GET1: variants seen among roughly 807,000 people sequenced by gnomAD.
GET1 encodes guided entry of tail-anchored proteins factor 1.
A neutral mutation model predicts 22.6 loss-of-function variants in GET1; 20 were observed. That is an observed-to-expected ratio of 0.89 (90% confidence interval 0.62 to 1.29). GET1 has a LOEUF of 1.29. Among genes scored for constraint, GET1 ranks in the 50% most tolerant of loss-of-function variants. GET1 has a pLI of 0.00. For synonymous variants in GET1, 92 were observed against 83.8 expected, an observed-to-expected ratio of 1.10 and a Z score of -0.53; for missense variants, 209 against 219.9, an observed-to-expected ratio of 0.95 and a Z score of 0.31.
chr21:39,387,868 G>A (rs988648110), intron 1 of GET1: 80 of 980,938 alleles, frequency 8.2e-5, no homozygotes, highest in Non-Finnish European at 9.2e-5. Flanking sequence ...AAGCTGGAAG[G>A]GGGAGGGGGG....
At chr21:39,424,360 A>G (rs2074275903) in intron 1 of GET1, among the ~76,000 whole-genome samples, 1 of 152,146 alleles carries the variant, frequency 6.6e-6, no homozygotes, top group East Asian at 1.9e-4. Context: ...ACATGCCTAT[A>G]GTCCTAGCTC....
chr21:39,388,434 A>G (rs2038071467), intron 1 of GET1, among the ~76,000 whole-genome samples: 1 of 152,216 alleles, frequency 6.6e-6, no homozygotes, highest in Non-Finnish European at 1.5e-5. Context: ...GGAATCATGC[A>G]TTGCATTTCC....
intron 1 of GET1, chr21:39,411,810 G>T (rs1239359575): frequency 1.3e-6 from 2 of 1,551,770 alleles, no homozygotes; most frequent in Non-Finnish European, 1.8e-6. Context: ...TTCCTAAAAA[G>T]AACCACAAAA....
chr21:39,397,047 G>A lies in GET1; in HGVS notation c.*108G>A. ...TTAAGAAACAAAAGTGCATAGTTTA[G>A]ATTTTTTTTTTGTTGAATATGTTTG... On this transcript the variant is annotated 3_prime_UTR_variant, in exon 5 of 5. Transcript: ENST00000649170. 1.6e-6 allele frequency: 2 copies of A among 1,223,774 alleles called. No individual in the cohort carries two copies. The highest frequency in any genetic ancestry group is 2.3e-6 in the Non-Finnish European group (2 of 866,606). 75.8% of individuals were successfully genotyped at this position (1,223,774 alleles called of 1,614,324 possible).
At chr21:39,399,767 G>T (rs1178721552), downstream of GET1, among the ~76,000 whole-genome samples, 2 of 151,922 alleles carry the variant, frequency 1.3e-5, no homozygotes, top group Middle Eastern at 3.2e-3. Context: ...AAAAATACTG[G>T]ATATATTTTA....
intron 1 of GET1, chr21:39,420,922 A>G (rs539878009): frequency 1.8e-6 from 2 of 1,105,092 alleles, no homozygotes; most frequent in South Asian, 2.9e-5. Flanking sequence ...AACTAACTAC[A>G]TTTATGAAAA....
chr21:39,411,745 A>C, intron 1 of GET1: 5 of 1,577,146 alleles, frequency 3.2e-6, no homozygotes, highest in East Asian at 2.2e-5. Context: ...GTGTCATGTA[A>C]ATTTTTAAGT....
At chr21:39,414,951 G>T (rs1412868987) in intron 1 of GET1, among the ~76,000 whole-genome samples, 2 of 152,016 alleles carry the variant, frequency 1.3e-5, no homozygotes, top group Non-Finnish European at 2.9e-5. Flanking sequence ...TCTCTCTGTT[G>T]CCCAGGCTGG....
chr21:39,402,114 GTTTA>G (rs1236708178), downstream of GET1, among the ~76,000 whole-genome samples: 1 of 151,874 alleles, frequency 6.6e-6, no homozygotes, highest in African/African-American at 2.4e-5. Flanking sequence ...TAATTAATTA[GTTTA>G]TTTGAGATGG....
chr21:39,396,058 A>G (rs962712488), intron 4 of GET1, among the ~76,000 whole-genome samples: 1 of 152,220 alleles, frequency 6.6e-6, no homozygotes, highest in Admixed American at 6.5e-5. Flanking sequence ...CGTTCACTGC[A>G]ATTCCTGCTT....
intron 1 of GET1, among the ~76,000 whole-genome samples, chr21:39,412,247 C>T (rs781474218): frequency 1.3e-5 from 2 of 152,122 alleles, no homozygotes. Context: ...TATTGGATGG[C>T]ACAGGTGAAC....
At chr21:39,420,936 C>T (rs976240966) in intron 1 of GET1, 1 of 951,094 alleles carries the variant, frequency 1.1e-6, no homozygotes, top group East Asian at 2.5e-5. Context: ...ATGAAAAGTG[C>T]ACATTTTCAA....
chr21:39,406,328 G>A, exon 5 of GET1: 1 of 1,614,172 alleles, frequency 6.2e-7, no homozygotes, highest in Non-Finnish European at 8.5e-7. Context: ...AATGAGTAAT[G>A]TCTTCTTTGT....
chr21:39,414,742 C>CTCTGTGTGTGTGTGTGTGTGTGTG (rs1341489035), intron 1 of GET1, among the ~76,000 whole-genome samples: 2 of 99,178 alleles, frequency 2.0e-5, no homozygotes, highest in African/African-American at 8.8e-5. Context: ...CTCTCTCTCT[C>CTCTGTGTGTGTGTGTGTGTGTGTG]TGTGTGTGTG....
intron 3 of GET1, 83 bp downstream of exon 3, chr21:39,391,919 A>T: frequency 7.3e-7 from 1 of 1,372,674 alleles, no homozygotes. Flanking sequence ...CAGGGCTGGG[A>T]GTTCGGGCTG....
At chr21:39,411,921 AG>A (rs2040151166) in intron 1 of GET1, 1 of 597,990 alleles carries the variant, frequency 1.7e-6, no homozygotes, top group Non-Finnish European at 3.0e-6. Flanking sequence ...AGATTTTAGA[AG>A]AAACAGAAAT....
At chr21:39,410,055 T>G (rs548135254), downstream of GET1, 12 of 1,611,446 alleles carry the variant, frequency 7.4e-6, no homozygotes, top group East Asian at 1.3e-4. Context: ...TTATTTCAGT[T>G]GATTTTTCTT....
chr21:39,420,637 T>C (rs2042143744), intron 1 of GET1: 4 of 1,339,272 alleles, frequency 3.0e-6, no homozygotes, highest in East Asian at 2.4e-5. Flanking sequence ...AAAGATATAA[T>C]AGACATAAAT....
At chr21:39,391,471 C>T (rs2038292445) in intron 2 of GET1, 7 of 346,324 alleles carry the variant, frequency 2.0e-5, no homozygotes, top group South Asian at 1.8e-4. Context: ...AAATTTAGTC[C>T]TGTTGGTAAG....
Sources: allele counts gnomAD v4.1 joint callset (sites outside exome capture counted in the v4.1 genomes callset), GRCh38; gene constraint gnomAD v4.1.1; transcripts MANE v1.5; gene names NCBI Gene and HGNC (gene_info 2026-07-23, HGNC 2026-07-21).